Variants in HCRTR2 observed in about 807,000 individuals in gnomAD.
HCRTR2 encodes orexin receptor type 2.
A neutral mutation model predicts 49.0 loss-of-function variants in HCRTR2; 22 were observed. The ratio of observed to expected loss-of-function variants is 0.45; its 90% CI spans 0.32 to 0.64. The LOEUF is 0.64. Ranked by LOEUF, HCRTR2 falls within the 30% of genes least tolerant of loss-of-function variation. The pLI is 0.04. For synonymous variants in HCRTR2, 236 were observed against 205.3 expected (o/e 1.15, Z -1.28); for missense variants, 491 against 559.4 (o/e 0.88, Z 1.23).
intron 1 of HCRTR2, among the ~76,000 whole-genome samples, chr6:55,123,051 A>G (rs1431546463): frequency 2.0e-5 from 3 of 151,980 alleles, no homozygotes; most frequent in East Asian, 1.9e-4. Context: ...CACCAACATG[A>G]CACATATGTA....
intron 1 of HCRTR2, among the ~76,000 whole-genome samples, chr6:55,160,116 C>T (rs781743397): frequency 2.6e-5 from 4 of 152,084 alleles, no homozygotes; most frequent in Non-Finnish European, 5.9e-5. Flanking sequence ...AAAGGGAAGC[C>T]CATCAGACTA....
chr6:55,233,209 A>C (rs1766149422), intron 1 of HCRTR2, among the ~76,000 whole-genome samples: 1 of 151,596 alleles, frequency 6.6e-6, no homozygotes, highest in African/African-American at 2.4e-5. Flanking sequence ...CTGCCTCGGC[A>C]TCCCGAGTAG....
intron 1 of HCRTR2, among the ~76,000 whole-genome samples, chr6:55,197,619 TTGATCCTTTCTC>T (rs1293920092): frequency 6.6e-6 from 1 of 152,146 alleles, no homozygotes; most frequent in Non-Finnish European, 1.5e-5. Context: ...GAAACTAAGC[TTGATCCTTTCTC>T]TTTTTTTTGA....
At chr6:55,248,168 T>A (rs937550395) in intron 1 of HCRTR2, among the ~76,000 whole-genome samples, 1 of 152,118 alleles carries the variant, frequency 6.6e-6, no homozygotes, top group Non-Finnish European at 1.5e-5. Context: ...AATTGTTAGC[T>A]CTTACCTTAA....
At chr6:55,206,047 TTTTA>T (rs1765595501) in intron 1 of HCRTR2, among the ~76,000 whole-genome samples, 1 of 152,052 alleles carries the variant, frequency 6.6e-6, no homozygotes, top group Non-Finnish European at 1.5e-5. Flanking sequence ...TTACTGACTC[TTTTA>T]TTTGTTGAAA....
In HCRTR2 at chr6:55,248,663, A is replaced by C; in HGVS notation, c.248A>C (p.His83Pro). The C allele has an allele frequency of 1.2e-6, 2 of 1,613,204 alleles. No homozygotes were observed. Among genetic ancestry groups the C allele is most frequent in the Non-Finnish European group, 1.7e-6 (2 of 1,179,314 alleles). ...VLVCVAVWKN[H>P]HMRTVTNYFI... ...GTTTGTGTGGCAGTGTGGAAGAACCACCACATGAGGACGGTAACCAACTAC... is the reference window on the plus strand; with the variant it reads ...GTTTGTGTGGCAGTGTGGAAGAACCCCCACATGAGGACGGTAACCAACTAC... The change falls in exon 2 of 7, where the codon CAC (histidine) becomes CCC (proline). Residue 83 changes from histidine (H) to proline (P), a missense_variant. Transcript: ENST00000370862.
chr6:55,165,087 T>G (rs1444334721), intron 1 of HCRTR2, among the ~76,000 whole-genome samples: 1 of 151,958 alleles, frequency 6.6e-6, no homozygotes, highest in East Asian at 1.9e-4. Flanking sequence ...ATTAGTAAAT[T>G]TGAAAACACT....
At chr6:55,233,151 C>T (rs1374872250) in intron 1 of HCRTR2, among the ~76,000 whole-genome samples, 2 of 151,194 alleles carry the variant, frequency 1.3e-5, no homozygotes, top group African/African-American at 4.9e-5. Flanking sequence ...TGCAATGGTG[C>T]AATCTCAGCT....
chr6:55,189,721 A>T (rs10948893), intron 1 of HCRTR2, among the ~76,000 whole-genome samples: 32,634 of 152,120 alleles, frequency 0.21, 3,661 homozygotes, highest in Admixed American at 0.29. Flanking sequence ...TGATAGGTGT[A>T]GCAAACTATG....
chr6:55,114,185 G>A (rs1464199603), intron 1 of HCRTR2, among the ~76,000 whole-genome samples: 1 of 151,750 alleles, frequency 6.6e-6, no homozygotes. Context: ...CACTGCTCAG[G>A]TTATGGGTGC....
At chr6:55,121,276 G>A (rs1195926576) in intron 1 of HCRTR2, among the ~76,000 whole-genome samples, 1 of 152,062 alleles carries the variant, frequency 6.6e-6, no homozygotes, top group Non-Finnish European at 1.5e-5. Context: ...CTCTCTGTTT[G>A]TCTGTTATTG....
rs545851484 is a variant in HCRTR2 at position 55,224,501 on chromosome 6, T to C, written c.224-24138T>C. ...AGCCGGGCATGGTGGTGGGCGCCTG[T>C]AGTCCCAGCTACCCGGGAGGCTGAG... On this transcript the variant is annotated intron_variant, in intron 1 of 6. Coordinates refer to ENST00000370862, the MANE Select transcript of HCRTR2 (RefSeq NM_001384272.1). Among the ~76,000 whole-genome samples, 12 of 151,876 alleles carry C rather than the reference T, an allele frequency of 7.9e-5. No individual in the cohort carries two copies. In the East Asian group the frequency reaches 1.9e-3, roughly 25 times the overall value.
intron 1 of HCRTR2, among the ~76,000 whole-genome samples, chr6:55,107,903 C>A (rs1763997231): frequency 6.6e-6 from 1 of 151,884 alleles, no homozygotes; most frequent in Non-Finnish European, 1.5e-5. Flanking sequence ...TTCTAAATAC[C>A]CTTCATAATT....
chr6:55,134,975 A>C (rs941219523), intron 1 of HCRTR2, among the ~76,000 whole-genome samples: 37 of 152,108 alleles, frequency 2.4e-4, no homozygotes, highest in Middle Eastern at 3.4e-3. Context: ...TTCTTCTGAA[A>C]TCTATATCCT....
At chr6:55,224,934 A>G (rs759494537) in intron 1 of HCRTR2, among the ~76,000 whole-genome samples, 1 of 152,186 alleles carries the variant, frequency 6.6e-6, no homozygotes, top group Non-Finnish European at 1.5e-5. Context: ...CAAGAGATCT[A>G]TTGTACATGT....
At chr6:55,268,438 A>T (rs991978064) in intron 4 of HCRTR2, among the ~76,000 whole-genome samples, 5 of 149,946 alleles carry the variant, frequency 3.3e-5, no homozygotes, top group African/African-American at 7.4e-5. Flanking sequence ...CCAATAATTT[A>T]AAAAAACCCA....
At chr6:55,120,252 G>T (rs2127236905) in intron 1 of HCRTR2, among the ~76,000 whole-genome samples, 1 of 151,980 alleles carries the variant, frequency 6.6e-6, no homozygotes. Flanking sequence ...TTGGCTATGT[G>T]GGCCCTTTTT....
intron 1 of HCRTR2, among the ~76,000 whole-genome samples, chr6:55,191,896 T>C (rs1765322368): frequency 6.6e-6 from 1 of 152,150 alleles, no homozygotes; most frequent in Admixed American, 6.6e-5. Context: ...CTTCAATATA[T>C]TGGAGTTTGC....
intron 1 of HCRTR2, among the ~76,000 whole-genome samples, chr6:55,127,542 C>T (rs1251413753): frequency 6.6e-6 from 1 of 152,150 alleles, no homozygotes; most frequent in African/African-American, 2.4e-5. Flanking sequence ...TTCTTAAAAG[C>T]CTCTCCTGCA....
Sources: allele counts gnomAD v4.1 joint callset (sites outside exome capture counted in the v4.1 genomes callset), GRCh38; gene constraint gnomAD v4.1.1; transcripts MANE v1.5; gene names NCBI Gene and HGNC (gene_info 2026-07-23, HGNC 2026-07-21).